Variants in CCDC178 observed in about 807,000 individuals in gnomAD.
CCDC178 encodes the protein coiled-coil domain containing 178, also known as coiled-coil domain-containing protein 178.
In CCDC178, 126 loss-of-function variants were observed where a neutral mutation model predicts 117.4. That is an observed-to-expected ratio of 1.07 (90% CI 0.93 to 1.24). The LOEUF is 1.24. Among genes scored for constraint, CCDC178 ranks in the 50% most tolerant of loss-of-function variants. CCDC178 has a pLI of 0.00. For synonymous variants in CCDC178, 283 were observed against 313.4 expected (o/e 0.90, Z 1.02); for missense variants, 1,030 against 986.9 (o/e 1.04, Z -0.59).
intron 20 of CCDC178, among the ~76,000 whole-genome samples, chr18:33,151,856 CAGTA>C (rs952094423): frequency 2.0e-5 from 3 of 152,242 alleles, no homozygotes; most frequent in African/African-American, 7.2e-5. Flanking sequence ...AGAAAACACT[CAGTA>C]AGTATCAGAA....
At chr18:33,092,245 G>A (rs1387241745) in intron 21 of CCDC178, among the ~76,000 whole-genome samples, 1 of 152,020 alleles carries the variant, frequency 6.6e-6, no homozygotes, top group Admixed American at 6.6e-5. Flanking sequence ...CATATTGTGT[G>A]CTTTACCTTT....
intron 5 of CCDC178, among the ~76,000 whole-genome samples, chr18:33,388,621 G>A (rs1008743073): frequency 5.4e-5 from 7 of 129,030 alleles, no homozygotes; most frequent in South Asian, 2.7e-4. Context: ...CCGGGTTCAC[G>A]CCATTCTCCT....
chr18:33,053,616 G>C (rs1167256399), intron 21 of CCDC178, among the ~76,000 whole-genome samples: 1 of 152,092 alleles, frequency 6.6e-6, no homozygotes, highest in Non-Finnish European at 1.5e-5. Context: ...TAATATATTA[G>C]ATGTCAATAG....
rs138556571 is a variant in CCDC178, at chr18:33,140,683, A to T, written c.2239-47773T>A. Among the ~76,000 whole-genome samples, 571 of 152,276 alleles carry T rather than the reference A, an allele frequency of 3.7e-3. 26 individuals are homozygous for T. The East Asian group carries it at 0.096, about 26-fold the overall frequency. The stretch of plus-strand genomic sequence containing the variant: ...GCTTTTGATTTTACAGGCTTATAGA[A>T]GGAAGGGACTTGCCTTGTCTCAGAT... On this transcript the variant is annotated intron_variant, in intron 20 of 22. Coordinates refer to ENST00000383096, the MANE Select transcript of CCDC178 (RefSeq NM_001105528.4).
chr18:33,373,369 A>AT lies in CCDC178; in HGVS notation c.209-3181dup, dbSNP rs34183695. Among the ~76,000 whole-genome samples, 2,293 of 151,478 alleles carry AT rather than the reference A, an allele frequency of 0.015. 163 individuals are homozygous for AT. In the East Asian group the frequency reaches 0.23, roughly 15 times the overall value. ...CTTCAAAATCTACAACTTCAATACAATTTTTTTTTACTTGCCTTGTATGCT... is the reference window on the plus strand; with the variant it reads ...CTTCAAAATCTACAACTTCAATACAATTTTTTTTTTACTTGCCTTGTATGCT... On this transcript the variant is annotated intron_variant, in intron 5 of 22. Coordinates refer to ENST00000383096, the MANE Select transcript of CCDC178 (RefSeq NM_001105528.4).
At chr18:33,126,552 A>G (rs1021519471) in intron 20 of CCDC178, among the ~76,000 whole-genome samples, 9 of 151,886 alleles carry the variant, frequency 5.9e-5, no homozygotes, top group African/African-American at 2.2e-4. Flanking sequence ...ACTGAAATCC[A>G]CTTGTACTCA....
intron 3 of CCDC178, among the ~76,000 whole-genome samples, chr18:33,399,926 T>TAATTTTCTCCTCCCCG: frequency 6.6e-6 from 1 of 152,116 alleles, no homozygotes; most frequent in Non-Finnish European, 1.5e-5. Flanking sequence ...AGCTATAGCT[T>TAATTTTCTCCTCCCCG]TATGAAATGC....
chr18:33,003,357 C>A (rs969377462), intron 21 of CCDC178, among the ~76,000 whole-genome samples: 7 of 151,954 alleles, frequency 4.6e-5, no homozygotes, highest in Admixed American at 3.9e-4. Flanking sequence ...GGGATTTATC[C>A]CAGGGATATA....
chr18:33,109,968 A>G (rs1408762702), intron 20 of CCDC178, among the ~76,000 whole-genome samples: 1 of 151,494 alleles, frequency 6.6e-6, no homozygotes, highest in Non-Finnish European at 1.5e-5. Context: ...AATTCCTGAC[A>G]TATGCATATG....
chr18:33,269,829 AACTAAAAATGAG>A (rs2059865229), intron 12 of CCDC178, among the ~76,000 whole-genome samples: 1 of 151,850 alleles, frequency 6.6e-6, no homozygotes, highest in South Asian at 2.1e-4. Context: ...AGTTTTCAAC[AACTAAAAATGAG>A]ACATTCAAAG....
chr18:33,182,424 T>C (rs1489021018), intron 20 of CCDC178, among the ~76,000 whole-genome samples: 2 of 151,998 alleles, frequency 1.3e-5, no homozygotes, highest in African/African-American at 4.8e-5. Flanking sequence ...TAAGTCTGTC[T>C]TTTATACTAT....
At chr18:33,392,236 G>T (rs2063574068) in intron 4 of CCDC178, among the ~76,000 whole-genome samples, 1 of 152,152 alleles carries the variant, frequency 6.6e-6, no homozygotes, top group South Asian at 2.1e-4. Context: ...ATAGGGGCTT[G>T]TTTATAATAG....
chr18:33,035,799 A>C (rs1285605166), intron 21 of CCDC178, among the ~76,000 whole-genome samples: 1 of 152,032 alleles, frequency 6.6e-6, no homozygotes, highest in Non-Finnish European at 1.5e-5. Flanking sequence ...GATTATATAT[A>C]ATCTTTATTT....
intron 20 of CCDC178, among the ~76,000 whole-genome samples, chr18:33,159,086 A>G (rs904777173): frequency 6.6e-6 from 1 of 152,114 alleles, no homozygotes; most frequent in Non-Finnish European, 1.5e-5. Context: ...AGATTCTGCA[A>G]TACGGAATAA....
At chr18:33,116,474 G>C (rs1343536747) in intron 20 of CCDC178, among the ~76,000 whole-genome samples, 2 of 152,122 alleles carry the variant, frequency 1.3e-5, no homozygotes, top group African/African-American at 2.4e-5. Flanking sequence ...CAGTTCTGTA[G>C]GTCAGAAATT....
intron 2 of CCDC178, among the ~76,000 whole-genome samples, chr18:33,436,422 A>C (rs773871745): frequency 6.6e-6 from 1 of 152,188 alleles, no homozygotes; most frequent in African/African-American, 2.4e-5. Context: ...AAAGAGCTAG[A>C]CATGAAGTGA....
chr18:33,397,764 T>C (rs2063658559), intron 3 of CCDC178, among the ~76,000 whole-genome samples: 1 of 152,138 alleles, frequency 6.6e-6, no homozygotes, highest in Non-Finnish European at 1.5e-5. Flanking sequence ...TACAGCATGA[T>C]TTTTATAAAA....
chr18:33,224,703 G>T, intron 17 of CCDC178, 72 bp downstream of exon 17: 1 of 1,001,376 alleles, frequency 1.0e-6, no homozygotes, highest in Non-Finnish European at 1.4e-6. Context: ...AAATGATAAT[G>T]TAAAATCACA....
At chr18:33,263,849 T>C (rs2059781201) in intron 14 of CCDC178, among the ~76,000 whole-genome samples, 1 of 152,056 alleles carries the variant, frequency 6.6e-6, no homozygotes, top group Non-Finnish European at 1.5e-5. Flanking sequence ...TAACTCAACT[T>C]TATCCTAGGA....
Sources: gnomAD v4.1 joint callset for allele counts (sites outside exome capture counted in the v4.1 genomes callset) on GRCh38, gnomAD v4.1.1 for gene constraint, MANE v1.5 for transcripts, NCBI Gene and HGNC (gene_info 2026-07-23, HGNC 2026-07-21) for gene names.